Variants in SLC24A2 observed in about 807,000 individuals in gnomAD.
SLC24A2 encodes the protein sodium/potassium/calcium exchanger 2.
SLC24A2 carries 36 observed loss-of-function variants against 62.0 expected under a neutral mutation model. The ratio of observed to expected loss-of-function variants is 0.58; its 90% CI spans 0.44 to 0.77. The LOEUF is 0.77. SLC24A2 is among the 30% of genes least tolerant of loss of function. SLC24A2 has a pLI of 0.00. For synonymous variants in SLC24A2, 358 were observed against 294.0 expected, an observed-to-expected ratio of 1.22 and a Z score of -2.23; for missense variants, 846 against 817.9, an observed-to-expected ratio of 1.03 and a Z score of -0.42.
At chr9:19,931,024 T>C in the SLC24A2 span, among the ~76,000 whole-genome samples, 1 of 152,216 alleles carries the variant, frequency 6.6e-6, no homozygotes, top group South Asian at 2.1e-4. Context: ...CCAATAGTGA[T>C]TGAAACCTCC....
rs1832896718 is a variant in SLC24A2, at chr9:19,515,764, G to A, written c.*389C>T. ...GTACTAATCTATAGGTATGCAAGGAGAGGTATAGTACAGGAACAGGCAGGA... is the reference window on the plus strand; with the variant it reads ...GTACTAATCTATAGGTATGCAAGGAAAGGTATAGTACAGGAACAGGCAGGA... On this transcript the variant is annotated 3_prime_UTR_variant, in exon 11 of 11. Transcript: ENST00000341998. The A allele has an allele frequency of 7.8e-6, 2 of 256,096 alleles. No homozygotes were observed. Among genetic ancestry groups the A allele is most frequent in the East Asian group, 8.6e-5 (1 of 11,608 alleles). The allele number at this position is 256,096 out of a possible 1,614,324, so 15.9% of individuals were successfully genotyped here.
At chr9:20,215,996 C>G in the SLC24A2 span, among the ~76,000 whole-genome samples, 1 of 152,292 alleles carries the variant, frequency 6.6e-6, no homozygotes, top group East Asian at 1.9e-4. Context: ...TACTGTTGTT[C>G]AAATCAGCCT....
chr9:20,281,424 G>C, the SLC24A2 span, among the ~76,000 whole-genome samples: 1 of 152,058 alleles, frequency 6.6e-6, no homozygotes, highest in Admixed American at 6.5e-5. Context: ...CCAGCACCCA[G>C]ATCCAAAACG....
chr9:19,743,511 T>C (rs553499021), intron 2 of SLC24A2, among the ~76,000 whole-genome samples: 6 of 152,228 alleles, frequency 3.9e-5, no homozygotes, highest in African/African-American at 1.4e-4. Flanking sequence ...ACAGAATGGG[T>C]GTGCTGTCGG....
chr9:20,191,161 CTT>C, the SLC24A2 span, among the ~76,000 whole-genome samples: 235 of 144,368 alleles, frequency 1.6e-3, no homozygotes, highest in African/African-American at 2.9e-3. Flanking sequence ...TTTTCCGGAC[CTT>C]TTTTTTTTTT....
chr9:20,087,643 T>G, the SLC24A2 span, among the ~76,000 whole-genome samples: 1 of 152,220 alleles, frequency 6.6e-6, no homozygotes, highest in Non-Finnish European at 1.5e-5. Flanking sequence ...CTGGCCTTTC[T>G]TTTTTCCTAC....
the SLC24A2 span, among the ~76,000 whole-genome samples, chr9:20,257,747 T>A: frequency 6.6e-6 from 1 of 152,204 alleles, no homozygotes; most frequent in African/African-American, 2.4e-5. Context: ...TTATGACAAC[T>A]AAATAAAATA....
chr9:20,275,385 G>A, the SLC24A2 span, among the ~76,000 whole-genome samples: 1 of 152,180 alleles, frequency 6.6e-6, no homozygotes, highest in Admixed American at 6.5e-5. Flanking sequence ...GAGGCCTGGT[G>A]GTTCTATTTT....
chr9:19,560,925 AG>A lies in SLC24A2; in HGVS notation c.1348-10658del, dbSNP rs1461700343. 7.8e-5 allele frequency among the ~76,000 whole-genome samples: 7 copies of A among 89,852 alleles called. No homozygotes were observed. The East Asian group carries it at 2.5e-3, about 32-fold the overall frequency. 58.9% of individuals were successfully genotyped at this position (89,852 alleles called of 152,430 possible). On this transcript the variant is annotated intron_variant, in intron 7 of 10. Coordinates refer to ENST00000341998, the MANE Select transcript of SLC24A2 (RefSeq NM_020344.4). ...TATATATATATATATATAGAGAGAGAGAGAGAGAGAGAGAGAGAGAGACAGA... is the reference window on the plus strand; with the variant it reads ...TATATATATATATATATAGAGAGAGAAGAGAGAGAGAGAGAGAGAGACAGA...
the SLC24A2 span, among the ~76,000 whole-genome samples, chr9:19,969,100 G>A: frequency 3.3e-4 from 50 of 151,238 alleles, no homozygotes; most frequent in African/African-American, 1.2e-3. Context: ...GCTTCTCTAA[G>A]GCTTCTTGTG....
chr9:19,699,507 TATG>T (rs2118517027), intron 2 of SLC24A2, among the ~76,000 whole-genome samples: 1 of 152,288 alleles, frequency 6.6e-6, no homozygotes, highest in African/African-American at 2.4e-5. Context: ...CATGCAATAT[TATG>T]ATACATGAGG....
chr9:19,857,445 G>A, the SLC24A2 span, among the ~76,000 whole-genome samples: 4 of 152,076 alleles, frequency 2.6e-5, no homozygotes, highest in Non-Finnish European at 4.4e-5. Flanking sequence ...CATCTTTTGA[G>A]GGCCATTATT....
intron 2 of SLC24A2, among the ~76,000 whole-genome samples, chr9:19,715,559 T>A (rs1820834567): frequency 6.6e-6 from 1 of 152,102 alleles, no homozygotes; most frequent in African/African-American, 2.4e-5. Context: ...TTTCTGAAAG[T>A]CGAAAGTTTT....
chr9:20,200,429 A>T, the SLC24A2 span, among the ~76,000 whole-genome samples: 1 of 152,228 alleles, frequency 6.6e-6, no homozygotes, highest in Non-Finnish European at 1.5e-5. Context: ...CAGCATATGG[A>T]TGAGACTTTG....
At chr9:19,589,844 C>T in intron 5 of SLC24A2, among the ~76,000 whole-genome samples, 1 of 152,108 alleles carries the variant, frequency 6.6e-6, no homozygotes, top group South Asian at 2.1e-4. Flanking sequence ...ACACTTGATA[C>T]AGAATCTTGA....
At chr9:20,088,127 C>G in the SLC24A2 span, among the ~76,000 whole-genome samples, 10 of 152,208 alleles carry the variant, frequency 6.6e-5, no homozygotes, top group Non-Finnish European at 1.3e-4. Flanking sequence ...GCAACTCTGG[C>G]AAATCAGGAG....
chr9:20,038,886 G>A, the SLC24A2 span, among the ~76,000 whole-genome samples: 1 of 152,104 alleles, frequency 6.6e-6, no homozygotes, highest in Non-Finnish European at 1.5e-5. Flanking sequence ...CTTAGAAAGA[G>A]AAAATCAAAC....
the SLC24A2 span, among the ~76,000 whole-genome samples, chr9:19,909,680 C>A: frequency 6.6e-6 from 1 of 152,064 alleles, no homozygotes; most frequent in South Asian, 2.1e-4. Flanking sequence ...TAGAGTCACT[C>A]TTTTCTTTGT....
At chr9:19,961,377 G>C in the SLC24A2 span, among the ~76,000 whole-genome samples, 1 of 152,118 alleles carries the variant, frequency 6.6e-6, no homozygotes, top group Admixed American at 6.5e-5. Flanking sequence ...GTTTTTGACA[G>C]TATTTCCACA....
Sources: gnomAD v4.1 joint callset for allele counts (sites outside exome capture counted in the v4.1 genomes callset) on GRCh38, gnomAD v4.1.1 for gene constraint, MANE v1.5 for transcripts, NCBI Gene and HGNC (gene_info 2026-07-23, HGNC 2026-07-21) for gene names.